SLC15A3: variants seen among roughly 807,000 people sequenced by gnomAD.
SLC15A3 encodes solute carrier family 15 member 3, also known as osteoclast transporter.
Under a neutral mutation model 49.2 loss-of-function variants are expected in SLC15A3, and 39 were observed. The ratio of observed to expected loss-of-function variants is 0.79; its 90% CI spans 0.61 to 1.04. SLC15A3 has a LOEUF of 1.04. Ranked by LOEUF, SLC15A3 falls within the 50% of genes least tolerant of loss-of-function variation. The probability of loss-of-function intolerance (pLI) is 0.00; values close to 1 mark genes in which losing one functional copy is unlikely to be tolerated. For synonymous variants in SLC15A3, 339 were observed against 367.0 expected, an observed-to-expected ratio of 0.92 and a Z score of 0.87; for missense variants, 758 against 794.8, an observed-to-expected ratio of 0.95 and a Z score of 0.56.
rs911535710 is a variant in SLC15A3 at position 60,937,187 on chromosome 11, G to C, written c.*32C>G. 3 of 1,602,122 alleles carry C rather than the reference G, an allele frequency of 1.9e-6. No individual in the cohort carries two copies. The highest frequency in any genetic ancestry group is 1.1e-5 in the South Asian group (1 of 90,662). ...TGGGACTGCTGCCGTCTGTCCGGTA[G>C]AGTGAAGCAAGGGGGCTGGAATAGG... On this transcript the variant is annotated 3_prime_UTR_variant, in exon 8 of 8. Coordinates refer to ENST00000227880, the MANE Select transcript of SLC15A3 (RefSeq NM_016582.3).
intron 1 of SLC15A3, among the ~76,000 whole-genome samples, chr11:60,948,848 G>A (rs1856843101): frequency 6.6e-6 from 1 of 152,198 alleles, no homozygotes; most frequent in African/African-American, 2.4e-5. Context: ...CAGAAGATCA[G>A]TTTTGCCACA....
chr11:60,939,996 C>T (rs1590636291), intron 5 of SLC15A3: 2 of 230,698 alleles, frequency 8.7e-6, no homozygotes, highest in East Asian at 2.1e-4. Context: ...AACTAGCCCA[C>T]AGTCACACAG....
Position 60,951,735 on chromosome 11 carries a change from C to G in SLC15A3, c.-184G>C, listed in dbSNP as rs3750983. On this transcript the variant is annotated 5_prime_UTR_variant, in exon 1 of 8. Transcript: ENST00000227880. ...CCCTTTCTTGCCCTACCCTTCCTGT[C>G]CCTCCGCTCACTACCCGGACTCTAC... 159 of 286,464 alleles carry G rather than the reference C, an allele frequency of 5.6e-4. 1 individual carries two copies. Among genetic ancestry groups the G allele is most frequent in the East Asian group, 4.3e-3 (42 of 9,860 alleles). The allele number at this position is 286,464 out of a possible 1,614,324, so 17.7% of individuals were successfully genotyped here.
rs532774434 is a variant in SLC15A3 at position 60,938,047 on chromosome 11, G to C, written c.1436-22C>G. ...AGGCCTGCAGAGGGGGAGCAGAGAC[G>C]ATCTCAGGGGCTGGTGCAGGCGCAG... On this transcript the variant is annotated intron_variant, in intron 6 of 7. Coordinates refer to ENST00000227880, the MANE Select transcript of SLC15A3 (RefSeq NM_016582.3). The C allele has an allele frequency of 3.7e-6, 6 of 1,611,246 alleles. No individual in the cohort carries two copies. The Admixed American group carries it at 6.7e-5, about 18-fold the overall frequency.
At chr11:60,950,747 C>T (rs1284492133) in intron 1 of SLC15A3, among the ~76,000 whole-genome samples, 1 of 152,234 alleles carries the variant, frequency 6.6e-6, no homozygotes, top group Non-Finnish European at 1.5e-5. Flanking sequence ...GCTGAGATCG[C>T]GCCATTGCAC....
chr11:60,950,056 A>C (rs1359759439), intron 1 of SLC15A3, among the ~76,000 whole-genome samples: 1 of 152,186 alleles, frequency 6.6e-6, no homozygotes, highest in African/African-American at 2.4e-5. Flanking sequence ...AATTTCTTCT[A>C]CGTGCCATGC....
intron 7 of SLC15A3, 163 bp downstream of exon 7, chr11:60,937,707 G>A: frequency 1.1e-6 from 1 of 892,178 alleles, no homozygotes; most frequent in Admixed American, 2.8e-5. Context: ...CAAGGAGGGA[G>A]GCCACGCTGT....
Position 60,939,592 on chromosome 11 carries a change from G to A in SLC15A3, c.1323C>T (p.Thr441=), listed in dbSNP as rs879762148. The part of the protein sequence containing the change: ...ERLHYIHHNE[T]VSQQIGEVLY... ...GGACCTCCCCAATCTGCTGGGACACGGTCTCGTTGTGGTGGATGTAGTGTA... is the reference window on the plus strand; with the variant it reads ...GGACCTCCCCAATCTGCTGGGACACAGTCTCGTTGTGGTGGATGTAGTGTA... Residue 441 remains threonine (T), a synonymous_variant, in exon 6 of 8, where the codon ACC becomes ACT. Coordinates refer to ENST00000227880, the MANE Select transcript of SLC15A3 (RefSeq NM_016582.3). 11 of 1,614,168 alleles carry A rather than the reference G, an allele frequency of 6.8e-6. No individual in the cohort carries two copies. In the Admixed American group the frequency reaches 1.3e-4, roughly 20 times the overall value.
intron 1 of SLC15A3, among the ~76,000 whole-genome samples, chr11:60,950,467 T>TTAG (rs1856893604): frequency 6.6e-6 from 1 of 152,216 alleles, no homozygotes; most frequent in Admixed American, 6.5e-5. Context: ...GTGAAAGTGC[T>TTAG]TAGCATAGGG....
At position 60,951,375 on chromosome 11, in the gene SLC15A3, G is replaced by A. The variant is rs1309289714; in HGVS notation, c.177C>T (p.Tyr59=). 1 of 1,554,030 alleles carries A rather than the reference G, an allele frequency of 6.4e-7. No homozygotes were observed. The highest frequency in any genetic ancestry group is 8.7e-7 in the Non-Finnish European group (1 of 1,155,444). Residue 59 remains tyrosine (Y), a synonymous_variant, in exon 1 of 8, where the codon TAC becomes TAT. Transcript: ENST00000227880. ...FFGVTANLVL[Y]LNSTNFNWTG... ...TCCAGTTGAAGTTGGTGCTGTTGAG[G>A]TACAGCACGAGGTTGGCGGTGACGC...
chr11:60,950,483 A>C (rs1404752000), intron 1 of SLC15A3, among the ~76,000 whole-genome samples: 2 of 152,186 alleles, frequency 1.3e-5, no homozygotes, highest in African/African-American at 4.8e-5. Flanking sequence ...TAGGGCCTGC[A>C]AGTAGCTCAA....
In SLC15A3 at chr11:60,951,315, G is replaced by A. The variant is rs777668780; in HGVS notation, c.237C>T (p.Phe79=). ...GEQATRAALV[F]LGASYLLAPV... ...GCGCCAGCAGGTAGGAGGCGCCCAG[G>A]AATACCAGCGCGGCGCGCGTCGCCT... Residue 79 remains phenylalanine, a synonymous_variant, in exon 1 of 8, where the codon TTC becomes TTT. Coordinates refer to ENST00000227880, the MANE Select transcript of SLC15A3 (RefSeq NM_016582.3). 1.5e-5 allele frequency: 23 copies of A among 1,530,968 alleles called. No homozygotes were observed. The highest frequency in any genetic ancestry group is 2.0e-5 in the Non-Finnish European group (23 of 1,141,794). 94.8% of individuals were successfully genotyped at this position (1,530,968 alleles called of 1,614,324 possible). A position where few individuals can be genotyped will look rare whatever the true frequency, so the allele number is the denominator to read the frequency against.
intron 1 of SLC15A3, among the ~76,000 whole-genome samples, chr11:60,949,503 G>GGAAAGAGAGAAA (rs1856864639): frequency 3.1e-5 from 2 of 64,770 alleles, no homozygotes; most frequent in South Asian, 1.1e-3. Flanking sequence ...AAAGAAAGAA[G>GGAAAGAGAGAAA]GAAAGAAAGA....
In SLC15A3 at chr11:60,949,896, C is replaced by T. The variant is rs146654849; in HGVS notation, c.558+1098G>A. 5.2e-3 allele frequency among the ~76,000 whole-genome samples: 798 copies of T among 152,314 alleles called. 5 individuals are homozygous for T. Among genetic ancestry groups the T allele is most frequent in the African/African-American group, 0.018 (766 of 41,546 alleles). On this transcript the variant is annotated intron_variant, in intron 1 of 7. Transcript: ENST00000227880. ...CAGTCCTATCTGTATGCAGTCCTGC[C>T]TCCTGCTTTTGCTCATTTACACCAT...
chr11:60,950,836 G>C (rs1475134852), intron 1 of SLC15A3, among the ~76,000 whole-genome samples, 158 bp downstream of exon 1: 2 of 152,206 alleles, frequency 1.3e-5, no homozygotes, highest in Non-Finnish European at 2.9e-5. Flanking sequence ...TTCCCACTGC[G>C]GTTGCCATCG....
In SLC15A3 at chr11:60,939,645, G is replaced by C. The variant is rs755147847; in HGVS notation, c.1277-7C>G. On this transcript the variant is annotated splice_polypyrimidine_tract_variant and splice_region_variant and intron_variant, in intron 5 of 7. Coordinates refer to ENST00000227880, the MANE Select transcript of SLC15A3 (RefSeq NM_016582.3). ...CGCTCCATCTCCAGGACTCCTGGTG[G>C]AGGAGCAGAGGGGGATTATAGTCAG... is the stretch of plus-strand genomic sequence containing the variant. 1.2e-6 allele frequency: 2 copies of C among 1,613,770 alleles called. No homozygotes were observed. Among genetic ancestry groups the C allele is most frequent in the Admixed American group, 1.7e-5 (1 of 59,998 alleles).
In SLC15A3 at chr11:60,943,784, C is replaced by A. The variant is rs768065031; in HGVS notation, c.901G>T (p.Ala301Ser). The A allele has an allele frequency of 6.2e-7, 1 of 1,603,636 alleles. No individual in the cohort carries two copies. The highest frequency in any genetic ancestry group is 2.3e-5 in the East Asian group (1 of 44,130). ...LADERSPQPGASPQEDIANFQ... is the reference protein window; with the variant it reads ...LADERSPQPGSSPQEDIANFQ... The stretch of plus-strand genomic sequence containing the variant: ...TTGGCGATGTCCTCTTGCGGGGAAG[C>A]CCCTGGCTGGGGAGACCTCTCGTCG... The change falls in exon 3 of 8, where the codon GCT (alanine) becomes TCT (serine). Residue 301 changes from alanine (A) to serine (S), a missense_variant. Around this residue, in one of 3 missense-constraint regions of SLC15A3, gnomAD observed 699 missense variants for 706.7 expected, o/e 0.99. Coordinates refer to ENST00000227880, the MANE Select transcript of SLC15A3 (RefSeq NM_016582.3).
chr11:60,939,646 A>T lies in SLC15A3; in HGVS notation c.1277-8T>A, dbSNP rs1187885650. The T allele has an allele frequency of 6.2e-7, 1 of 1,613,584 alleles. No individual in the cohort carries two copies. The highest frequency in any genetic ancestry group is 1.3e-5 in the African/African-American group (1 of 74,922). On this transcript the variant is annotated splice_polypyrimidine_tract_variant and splice_region_variant and intron_variant, in intron 5 of 7. Coordinates refer to ENST00000227880, the MANE Select transcript of SLC15A3 (RefSeq NM_016582.3). ...GCTCCATCTCCAGGACTCCTGGTGG[A>T]GGAGCAGAGGGGGATTATAGTCAGG...
At chr11:60,947,400 C>T (rs1045060079) in intron 1 of SLC15A3, among the ~76,000 whole-genome samples, 2 of 152,164 alleles carry the variant, frequency 1.3e-5, no homozygotes, top group African/African-American at 2.4e-5. Context: ...AGGATGGTCT[C>T]GATCTCCTGA....
Sources: allele counts gnomAD v4.1 joint callset (sites outside exome capture counted in the v4.1 genomes callset), GRCh38; gene constraint gnomAD v4.1.1; regional missense constraint gnomAD v4.1.1; transcripts MANE v1.5; gene names NCBI Gene and HGNC (gene_info 2026-07-23, HGNC 2026-07-21).